The following ADGRL3 variants were observed in gnomAD, a reference collection of about 807,000 sequenced individuals.
ADGRL3 encodes adhesion G protein-coupled receptor L3, also known as calcium-independent alpha-latrotoxin receptor 3.
ADGRL3 carries 62 observed loss-of-function variants against 153.5 expected under a neutral mutation model. The observed-to-expected ratio is 0.40, with a 90% CI of 0.33 to 0.50. The LOEUF (loss-of-function observed/expected upper bound fraction) is 0.50, where lower values mean the gene tolerates loss of function less well. Ranked by LOEUF, ADGRL3 falls within the 20% of genes least tolerant of loss-of-function variation. The probability of loss-of-function intolerance (pLI) is 0.47; values close to 1 mark genes in which losing one functional copy is unlikely to be tolerated. For missense variants in ADGRL3, 1,641 were observed against 1,859.4 expected, an observed-to-expected ratio of 0.88 and a Z score of 2.16; for synonymous variants, 710 against 672.5, an observed-to-expected ratio of 1.06 and a Z score of -0.86.
intron 1 of ADGRL3, among the ~76,000 whole-genome samples, chr4:61,262,919 C>A (rs889149366): frequency 6.6e-6 from 1 of 152,008 alleles, no homozygotes; most frequent in Admixed American, 6.6e-5. Flanking sequence ...TGTTTCTGGA[C>A]CAGCCACCAG....
chr4:61,456,358 TAGAG>T (rs1245033715), intron 2 of ADGRL3, among the ~76,000 whole-genome samples: 34 of 142,232 alleles, frequency 2.4e-4, no homozygotes, highest in African/African-American at 8.1e-4. Context: ...GAGATATATA[TAGAG>T]ATATAGATAT....
At chr4:61,764,370 G>T (rs2096949930) in intron 8 of ADGRL3, among the ~76,000 whole-genome samples, 3 of 151,280 alleles carry the variant, frequency 2.0e-5, no homozygotes, top group African/African-American at 7.3e-5. Flanking sequence ...GGTAGGTAAA[G>T]GAAAATTACA....
chr4:61,233,838 C>G (rs1186890837), intron 1 of ADGRL3, among the ~76,000 whole-genome samples: 1 of 151,948 alleles, frequency 6.6e-6, no homozygotes, highest in African/African-American at 2.4e-5. Context: ...GTGGGAATGT[C>G]TACTGGATGT....
intron 17 of ADGRL3, among the ~76,000 whole-genome samples, chr4:61,958,486 A>C (rs1345495123): frequency 6.6e-6 from 1 of 152,038 alleles, no homozygotes; most frequent in African/African-American, 2.4e-5. Context: ...ACACTGCTAT[A>C]AAGAATAACT....
intron 4 of ADGRL3, among the ~76,000 whole-genome samples, chr4:61,536,692 C>A (rs1029709032): frequency 6.6e-6 from 1 of 151,906 alleles, no homozygotes; most frequent in African/African-American, 2.4e-5. Context: ...TTAATTGATA[C>A]AAGAATAACC....
At chr4:62,005,536 T>A (rs1581840211) in intron 21 of ADGRL3, among the ~76,000 whole-genome samples, 1 of 152,128 alleles carries the variant, frequency 6.6e-6, no homozygotes, top group East Asian at 1.9e-4. Context: ...AAAACCTATC[T>A]AAGGGGAAAA....
At chr4:62,039,191 C>T (rs1053220639) in intron 24 of ADGRL3, among the ~76,000 whole-genome samples, 2 of 151,918 alleles carry the variant, frequency 1.3e-5, no homozygotes, top group Admixed American at 1.3e-4. Context: ...CATTTATATG[C>T]TTAGAAAATT....
At chr4:62,043,298 G>A (rs1729369957) in intron 24 of ADGRL3, among the ~76,000 whole-genome samples, 1 of 151,912 alleles carries the variant, frequency 6.6e-6, no homozygotes, top group African/African-American at 2.4e-5. Flanking sequence ...TATTTGGCAG[G>A]CAATAGAGGG....
intron 5 of ADGRL3, among the ~76,000 whole-genome samples, chr4:61,666,822 A>C (rs149317005): frequency 1.8e-4 from 28 of 152,292 alleles, no homozygotes; most frequent in African/African-American, 6.7e-4. Context: ...CAAATAAAGA[A>C]TATTCAGCAA....
At chr4:61,630,520 T>A (rs2150011548) in intron 5 of ADGRL3, among the ~76,000 whole-genome samples, 1 of 152,352 alleles carries the variant, frequency 6.6e-6, no homozygotes, top group African/African-American at 2.4e-5. Flanking sequence ...TTCCTCTCAC[T>A]CTTTCTCTTT....
intron 8 of ADGRL3, among the ~76,000 whole-genome samples, chr4:61,783,987 A>T (rs1406729255): frequency 1.3e-5 from 2 of 152,124 alleles, no homozygotes; most frequent in African/African-American, 2.4e-5. Context: ...TTGACCTAAT[A>T]TAATGTAACG....
At chr4:61,835,517 TA>T (rs1007266299) in intron 9 of ADGRL3, among the ~76,000 whole-genome samples, 7 of 151,566 alleles carry the variant, frequency 4.6e-5, no homozygotes, top group Non-Finnish European at 8.8e-5. Flanking sequence ...TAGTGCTCTT[TA>T]AAAAAAATAA....
intron 4 of ADGRL3, among the ~76,000 whole-genome samples, chr4:61,557,560 G>A (rs1418861017): frequency 2.0e-5 from 3 of 152,108 alleles, no homozygotes; most frequent in Admixed American, 2.0e-4. Context: ...CTATTCCAGT[G>A]GATAGAGCTG....
chr4:61,437,367 G>A (rs1407672372), intron 2 of ADGRL3, among the ~76,000 whole-genome samples: 1 of 152,106 alleles, frequency 6.6e-6, no homozygotes, highest in Non-Finnish European at 1.5e-5. Context: ...AGTTTATTCA[G>A]TATAACATAT....
At chr4:61,248,756 A>G (rs1183439716) in intron 1 of ADGRL3, among the ~76,000 whole-genome samples, 3 of 152,188 alleles carry the variant, frequency 2.0e-5, no homozygotes, top group African/African-American at 2.4e-5. Context: ...TCTCCTTGAA[A>G]TGTTCAGAGT....
chr4:61,615,422 A>G (rs957618290), intron 5 of ADGRL3, among the ~76,000 whole-genome samples: 2 of 152,116 alleles, frequency 1.3e-5, no homozygotes, highest in Non-Finnish European at 2.9e-5. Context: ...AGAATAAAGA[A>G]GAAAAACGCC....
chr4:61,449,019 A>G (rs2097640059), intron 2 of ADGRL3, among the ~76,000 whole-genome samples: 1 of 152,188 alleles, frequency 6.6e-6, no homozygotes, highest in Non-Finnish European at 1.5e-5. Flanking sequence ...AGAAATTGTT[A>G]AGAATGATAT....
intron 25 of ADGRL3, among the ~76,000 whole-genome samples, chr4:62,067,959 G>T (rs534717216): frequency 6.6e-6 from 1 of 152,110 alleles, no homozygotes; most frequent in East Asian, 1.9e-4. Flanking sequence ...TGTTAAGGGG[G>T]ATTTCTTATT....
At chr4:61,967,357 C>T (rs1042131760) in intron 17 of ADGRL3, among the ~76,000 whole-genome samples, 5 of 151,966 alleles carry the variant, frequency 3.3e-5, no homozygotes, top group Non-Finnish European at 7.4e-5. Flanking sequence ...ATTTGCCTTT[C>T]ATTTCTTTTC....
Sources: gnomAD v4.1 joint callset for allele counts (sites outside exome capture counted in the v4.1 genomes callset) on GRCh38, gnomAD v4.1.1 for gene constraint, MANE v1.5 for transcripts, NCBI Gene and HGNC (gene_info 2026-07-23, HGNC 2026-07-21) for gene names.